Variants in STRBP observed in about 807,000 individuals in gnomAD.
STRBP encodes spermatid perinuclear RNA binding protein, also known as spermatid perinuclear RNA-binding protein.
STRBP carries 13 observed loss-of-function variants against 80.1 expected under a neutral mutation model. That is an observed-to-expected ratio of 0.16 (90% CI 0.11 to 0.26). The LOEUF is 0.26. Among genes scored for constraint, STRBP ranks in the 10% least tolerant of loss-of-function variants. The probability of loss-of-function intolerance (pLI) is 1.00; values close to 1 mark genes in which losing one functional copy is unlikely to be tolerated. For synonymous variants in STRBP, 284 were observed against 291.2 expected (o/e 0.98, Z 0.25); for missense variants, 485 against 815.2 (o/e 0.59, Z 4.93).
intron 14 of STRBP, among the ~76,000 whole-genome samples, chr9:123,137,547 G>A (rs944113728): frequency 6.6e-6 from 1 of 151,950 alleles, no homozygotes; most frequent in African/African-American, 2.4e-5. Flanking sequence ...AGCTGGAATT[G>A]CAGGCACCTG....
At chr9:123,236,265 TAAGAAAAA>T (rs1340531196) in intron 2 of STRBP, among the ~76,000 whole-genome samples, 5 of 152,182 alleles carry the variant, frequency 3.3e-5, no homozygotes, top group Non-Finnish European at 7.4e-5. Flanking sequence ...TGCTACTTAC[TAAGAAAAA>T]AACATTAAGT....
At chr9:123,267,891 G>C (rs1433783193) in intron 1 of STRBP, among the ~76,000 whole-genome samples, 1 of 135,476 alleles carries the variant, frequency 7.4e-6, no homozygotes, top group Non-Finnish European at 1.5e-5. Flanking sequence ...CCACCGGACG[G>C]AATGTCCTCC....
chr9:123,151,657 G>A (rs1452359236), intron 11 of STRBP, among the ~76,000 whole-genome samples: 9 of 152,076 alleles, frequency 5.9e-5, no homozygotes, highest in South Asian at 2.1e-4. Context: ...ACATACAAAT[G>A]TCCAAAGACT....
chr9:123,125,821 A>T (rs2132294062), intron 18 of STRBP, 148 bp from the exon 19 acceptor site: 1 of 523,178 alleles, frequency 1.9e-6, no homozygotes, highest in East Asian at 3.0e-5. Context: ...AGGCCCATAA[A>T]TCGCTCACAG....
chr9:123,194,944 T>C (rs1172310294), intron 2 of STRBP, among the ~76,000 whole-genome samples: 1 of 152,146 alleles, frequency 6.6e-6, no homozygotes, highest in Non-Finnish European at 1.5e-5. Flanking sequence ...CTCTTCTCTA[T>C]CTTACCTTCA....
At chr9:123,171,585 T>C (rs575987733) in intron 5 of STRBP, among the ~76,000 whole-genome samples, 2 of 152,332 alleles carry the variant, frequency 1.3e-5, no homozygotes. Context: ...TGTGTATATA[T>C]GTGGGCATGT....
chr9:123,128,306 C>T (rs757849733), intron 17 of STRBP, 48 bp from the exon 18 acceptor site: 7 of 1,609,358 alleles, frequency 4.3e-6, no homozygotes, highest in Non-Finnish European at 6.0e-6. Flanking sequence ...CCAGGGCAAT[C>T]ATCACTGGCC....
rs181846155 is a variant in STRBP, at chr9:123,177,160, G to A, written c.224+1847C>T. Reference sequence around the variant, plus strand: ...TGATATAAGAATAGAATCTCATTCTGCACTCCTTGAGTTCCACCACATGGG... The same window carrying A: ...TGATATAAGAATAGAATCTCATTCTACACTCCTTGAGTTCCACCACATGGG... On this transcript the variant is annotated intron_variant, in intron 4 of 18. Coordinates refer to ENST00000348403, the MANE Select transcript of STRBP (RefSeq NM_018387.5). Among the ~76,000 whole-genome samples the A allele has an allele frequency of 3.9e-5, 6 of 152,244 alleles. No individual in the cohort carries two copies. In the East Asian group the frequency reaches 1.2e-3, roughly 29 times the overall value.
chr9:123,153,835 G>A (rs1412863905), intron 11 of STRBP, among the ~76,000 whole-genome samples: 1 of 152,126 alleles, frequency 6.6e-6, no homozygotes, highest in Non-Finnish European at 1.5e-5. Context: ...GACTAAATGA[G>A]GTCCCCTAAA....
At chr9:123,142,498 T>TA (rs1286019589) in intron 13 of STRBP, among the ~76,000 whole-genome samples, 1 of 152,186 alleles carries the variant, frequency 6.6e-6, no homozygotes, top group Non-Finnish European at 1.5e-5. Context: ...AATGGACTAA[T>TA]ACGTCCATCA....
At chr9:123,156,075 TAA>T (rs80013087) in intron 11 of STRBP, among the ~76,000 whole-genome samples, 2 of 137,468 alleles carry the variant, frequency 1.5e-5, no homozygotes, top group African/African-American at 2.7e-5. Flanking sequence ...TCTTTAAAGT[TAA>T]AAAAAAAAAA....
chr9:123,136,281 G>A lies in STRBP; in HGVS notation c.1632+100C>T. 1 of 1,594,630 alleles carries A rather than the reference G, an allele frequency of 6.3e-7. No homozygotes were observed. The highest frequency in any genetic ancestry group is 8.5e-7 in the Non-Finnish European group (1 of 1,170,930). ...CACAGAAAACACCAAAAATCAAATA[G>A]TGCCACAAGAACTGACTCAGTCTAA... On this transcript the variant is annotated intron_variant, in intron 15 of 18. Transcript: ENST00000348403. This position sits in a 1 kb window ranked among gnomAD's most constrained non-coding sequence, Gnocchi z 4.2.
intron 1 of STRBP, among the ~76,000 whole-genome samples, chr9:123,256,018 CTTTTTTTTTT>C (rs11338372): frequency 8.5e-4 from 61 of 71,488 alleles, no homozygotes; most frequent in South Asian, 4.5e-4. Context: ...TCCTTTCTTT[CTTTTTTTTTT>C]TTTTTTTTTT....
chr9:123,208,077 A>G (rs2039583472), intron 2 of STRBP, among the ~76,000 whole-genome samples: 1 of 152,100 alleles, frequency 6.6e-6, no homozygotes, highest in Non-Finnish European at 1.5e-5. Flanking sequence ...GATATTGAGT[A>G]GAAGGTACAA....
At chr9:123,173,061 G>A (rs994440803) in intron 5 of STRBP, among the ~76,000 whole-genome samples, 2 of 152,180 alleles carry the variant, frequency 1.3e-5, no homozygotes, top group Admixed American at 1.3e-4. Context: ...TGGCAGGGCA[G>A]GTCCTAGAAT....
At chr9:123,241,258 T>C (rs2132607039) in intron 1 of STRBP, among the ~76,000 whole-genome samples, 1 of 151,888 alleles carries the variant, frequency 6.6e-6, no homozygotes, top group East Asian at 1.9e-4. Context: ...TCTCAGCACT[T>C]TGGGAGGATG....
At chr9:123,201,224 T>C (rs2039315388) in intron 2 of STRBP, among the ~76,000 whole-genome samples, 1 of 152,154 alleles carries the variant, frequency 6.6e-6, no homozygotes. Context: ...TTGAATTTCA[T>C]TTAGTTCTGC....
At chr9:123,130,977 T>G (rs2036112894) in intron 17 of STRBP, among the ~76,000 whole-genome samples, 1 of 152,146 alleles carries the variant, frequency 6.6e-6, no homozygotes, top group Non-Finnish European at 1.5e-5. Flanking sequence ...CTTTTTTAAC[T>G]GAGGCATAAT....
intron 1 of STRBP, among the ~76,000 whole-genome samples, chr9:123,253,076 C>T (rs1327277704): frequency 1.3e-5 from 2 of 152,130 alleles, no homozygotes; most frequent in East Asian, 3.8e-4. Flanking sequence ...TGAATCACCA[C>T]TTTTTAAAAG....
Sources: gnomAD v4.1 joint callset for allele counts (sites outside exome capture counted in the v4.1 genomes callset) on GRCh38, gnomAD v4.1.1 for gene constraint, Gnocchi (gnomAD v3.1) non-coding constraint, MANE v1.5 for transcripts, NCBI Gene and HGNC (gene_info 2026-07-23, HGNC 2026-07-21) for gene names.